The following PDZRN3 variants were observed in gnomAD, a reference collection of about 807,000 sequenced individuals.
PDZRN3 encodes the protein PDZ domain containing ring finger 3.
A neutral mutation model predicts 85.7 loss-of-function variants in PDZRN3; 38 were observed. The observed-to-expected ratio is 0.44, with a 90% CI of 0.34 to 0.58. The LOEUF (loss-of-function observed/expected upper bound fraction) is 0.58, where lower values mean the gene tolerates loss of function less well. Ranked by LOEUF, PDZRN3 falls within the 20% of genes least tolerant of loss-of-function variation. The pLI is 0.01. For missense variants in PDZRN3, 1,629 were observed against 1,506.4 expected (o/e 1.08, Z -1.35); for synonymous variants, 759 against 638.0 (o/e 1.19, Z -2.86).
Position 73,389,826 on chromosome 3 carries a change from C to G in PDZRN3, c.1406G>C (p.Arg469Pro). The part of the protein sequence containing the change: ...AKDGRIREGD[R>P]IIQINGIEVQ... ...TGGAAGTGGACTTACCTGGATAATG[C>G]GGTCTCCTTCTCGGATGCGCCCATC... Residue 469 changes from arginine (R) to proline (P), a missense_variant, in exon 7 of 10, where the codon CGC becomes CCC. Physicochemically the swap from Arg to Pro is moderately radical, Grantham distance 103. Transcript: ENST00000263666. 6.2e-7 allele frequency: 1 copy of G among 1,611,592 alleles called. No individual in the cohort carries two copies. Among genetic ancestry groups the G allele is most frequent in the Non-Finnish European group, 8.5e-7 (1 of 1,177,704 alleles).
intron 3 of PDZRN3, among the ~76,000 whole-genome samples, chr3:73,480,373 T>A (rs1295478609): frequency 6.6e-6 from 1 of 152,172 alleles, no homozygotes; most frequent in Admixed American, 6.5e-5. Context: ...TCAAGCAGAA[T>A]TCCTTGGCTC....
At chr3:73,574,166 C>T (rs149329657) in intron 3 of PDZRN3, among the ~76,000 whole-genome samples, 68 of 152,336 alleles carry the variant, frequency 4.5e-4, no homozygotes, top group Admixed American at 6.5e-5. Context: ...ATATTTGACA[C>T]TCAGCCTACA....
At chr3:73,464,710 A>G (rs1703178464) in intron 3 of PDZRN3, among the ~76,000 whole-genome samples, 1 of 152,220 alleles carries the variant, frequency 6.6e-6, no homozygotes, top group Non-Finnish European at 1.5e-5. Flanking sequence ...TTTTAAAAAA[A>G]TCTGGAACCT....
chr3:73,531,296 A>T (rs1704649374), intron 3 of PDZRN3, among the ~76,000 whole-genome samples: 2 of 151,618 alleles, frequency 1.3e-5, no homozygotes, highest in African/African-American at 2.4e-5. Flanking sequence ...CTGTCCCAAA[A>T]GGTGTTGGAA....
intron 3 of PDZRN3, among the ~76,000 whole-genome samples, chr3:73,524,155 T>C (rs1704463754): frequency 6.6e-6 from 1 of 152,160 alleles, no homozygotes; most frequent in South Asian, 2.1e-4. Context: ...TATAGAATCC[T>C]GCAAAAAAGA....
chr3:73,553,950 A>C (rs1462855568), intron 3 of PDZRN3, among the ~76,000 whole-genome samples: 2 of 152,216 alleles, frequency 1.3e-5, no homozygotes, highest in East Asian at 3.8e-4. Context: ...AACAAGAATG[A>C]GAAAGAATGG....
At chr3:73,403,482 A>G (rs1269347481) in intron 4 of PDZRN3, among the ~76,000 whole-genome samples, 3 of 152,302 alleles carry the variant, frequency 2.0e-5, no homozygotes, top group Admixed American at 1.3e-4. Flanking sequence ...CCATTTTAAT[A>G]TAGGAAAAAT....
In PDZRN3 at chr3:73,569,197, G is replaced by A. The variant is rs905011725; in HGVS notation, c.918+33157C>T. The A allele has an allele frequency of 6.2e-6, 8 of 1,288,930 alleles. No homozygotes were observed. The African/African-American group carries it at 1.2e-4, about 20-fold the overall frequency. The allele number at this position is 1,288,930 out of a possible 1,614,324, so 79.8% of individuals were successfully genotyped here. On this transcript the variant is annotated intron_variant, in intron 3 of 9. Transcript: ENST00000263666. Reference sequence around the variant, plus strand: ...TTCTTTACTCTTTGATTCATCAGGAGGAATCAGATTTCTGAAGGTCCTTCA... The same window carrying A: ...TTCTTTACTCTTTGATTCATCAGGAAGAATCAGATTTCTGAAGGTCCTTCA...
chr3:73,426,638 C>G (rs1395664934), intron 3 of PDZRN3, among the ~76,000 whole-genome samples: 2 of 152,164 alleles, frequency 1.3e-5, no homozygotes, highest in Non-Finnish European at 2.9e-5. Flanking sequence ...TGTCAGAAGG[C>G]TTAGGTCACC....
intron 3 of PDZRN3, among the ~76,000 whole-genome samples, chr3:73,472,154 C>A (rs148776459): frequency 4.9e-4 from 74 of 152,322 alleles, no homozygotes; most frequent in Middle Eastern, 3.4e-3. Flanking sequence ...CTTTGGTGAG[C>A]GAGGCCAGTG....
chr3:73,598,967 C>T (rs1041808805), intron 3 of PDZRN3, among the ~76,000 whole-genome samples: 62 of 152,260 alleles, frequency 4.1e-4, no homozygotes, highest in East Asian at 1.2e-3. Flanking sequence ...AGAGATGACA[C>T]GAAGAATCTC....
intron 3 of PDZRN3, among the ~76,000 whole-genome samples, chr3:73,422,503 A>G (rs78200497): frequency 1.8e-3 from 281 of 152,338 alleles, no homozygotes; most frequent in African/African-American, 6.5e-3. Context: ...GGACAGGAAA[A>G]AAAATCACTG....
intron 3 of PDZRN3, among the ~76,000 whole-genome samples, chr3:73,570,951 G>C (rs999180753): frequency 6.6e-6 from 1 of 152,180 alleles, no homozygotes; most frequent in African/African-American, 2.4e-5. Flanking sequence ...GCTGTGGGCA[G>C]AAGAAAACTT....
rs1430876925 is a variant in PDZRN3 at position 73,624,110 on chromosome 3, CCGGGCGGCGCGG to C, written c.704_715del (p.Ala235_Pro238del). 4 of 1,459,586 alleles carry C rather than the reference CCGGGCGGCGCGG, an allele frequency of 2.7e-6. No individual in the cohort carries two copies. The highest frequency in any genetic ancestry group is 2.7e-6 in the Non-Finnish European group (3 of 1,114,190). 90.4% of individuals were successfully genotyped at this position (1,459,586 alleles called of 1,614,324 possible). ...CGGGCAGCAGGCGCCTACCTTGCCG[CCGGGCGGCGCGG>C]CCACGCAGCGGCTGAGCGAGTCGAG... is the stretch of plus-strand genomic sequence containing the variant. On this transcript the variant is annotated inframe_deletion, in exon 1 of 10. Transcript: ENST00000263666.
intron 3 of PDZRN3, among the ~76,000 whole-genome samples, chr3:73,448,968 C>T (rs775937594): frequency 1.3e-5 from 2 of 152,166 alleles, no homozygotes; most frequent in Non-Finnish European, 2.9e-5. Flanking sequence ...TGGTGTGTGG[C>T]ATGGTTGGAG....
intron 3 of PDZRN3, among the ~76,000 whole-genome samples, chr3:73,439,559 G>T (rs1192929989): frequency 6.6e-6 from 1 of 152,124 alleles, no homozygotes; most frequent in African/African-American, 2.4e-5. Context: ...TGAACAAGGA[G>T]TAAGACGTGG....
Position 73,570,611 on chromosome 3 carries a change from A to C in PDZRN3, c.918+31743T>G, listed in dbSNP as rs4234177. On this transcript the variant is annotated intron_variant, in intron 3 of 9. Transcript: ENST00000263666. The stretch of plus-strand genomic sequence containing the variant: ...TCTCTAAGATAATCTATTGCTCCAA[A>C]TGACCGGCTGCCTAGATTCAGGTTT... Among the ~76,000 whole-genome samples, 6 of 152,186 alleles carry C rather than the reference A, an allele frequency of 3.9e-5. No homozygotes were observed. The East Asian group carries it at 7.7e-4, about 20-fold the overall frequency.
chr3:73,546,305 C>T (rs902366619), intron 3 of PDZRN3, among the ~76,000 whole-genome samples: 3 of 152,118 alleles, frequency 2.0e-5, no homozygotes, highest in Admixed American at 6.5e-5. Flanking sequence ...CTGGAGAGTA[C>T]GGACCTGTTG....
intron 3 of PDZRN3, among the ~76,000 whole-genome samples, chr3:73,424,110 TAAA>T (rs1702258329): frequency 6.6e-6 from 1 of 152,102 alleles, no homozygotes; most frequent in African/African-American, 2.4e-5. Flanking sequence ...AAAATATAAG[TAAA>T]TATCTTTCTG....
Sources: gnomAD v4.1 joint callset for allele counts (sites outside exome capture counted in the v4.1 genomes callset) on GRCh38, gnomAD v4.1.1 for gene constraint, MANE v1.5 for transcripts, NCBI Gene and HGNC (gene_info 2026-07-23, HGNC 2026-07-21) for gene names.